Variants in PDGFD observed in about 807,000 individuals in gnomAD.
PDGFD encodes the protein platelet derived growth factor D, also known as platelet-derived growth factor D.
PDGFD carries 30 observed loss-of-function variants against 44.7 expected under a neutral mutation model. That is an observed-to-expected ratio of 0.67 (90% CI 0.50 to 0.91). The LOEUF (loss-of-function observed/expected upper bound fraction) is 0.91, where lower values mean the gene tolerates loss of function less well. Among genes scored for constraint, PDGFD ranks in the 40% least tolerant of loss-of-function variants. The pLI is 0.00. For missense variants in PDGFD, 445 were observed against 457.8 expected, an observed-to-expected ratio of 0.97 and a Z score of 0.25; for synonymous variants, 173 against 168.4, an observed-to-expected ratio of 1.03 and a Z score of -0.21.
At chr11:104,026,599 TA>T in intron 1 of PDGFD, among the ~76,000 whole-genome samples, 1 of 152,196 alleles carries the variant, frequency 6.6e-6, no homozygotes, top group African/African-American at 2.4e-5. Context: ...AATCCCATTT[TA>T]AAAAATTCCA....
intron 3 of PDGFD, among the ~76,000 whole-genome samples, chr11:103,948,022 C>T (rs1410597404): frequency 6.6e-6 from 1 of 152,182 alleles, no homozygotes; most frequent in East Asian, 1.9e-4. Flanking sequence ...GACAACCCCT[C>T]CAGTCCTTCC....
At chr11:103,943,111 C>T (rs559058643) in intron 5 of PDGFD, among the ~76,000 whole-genome samples, 12 of 152,222 alleles carry the variant, frequency 7.9e-5, no homozygotes, top group Admixed American at 3.3e-4. Context: ...TAGTAACCAC[C>T]TGATCTAAGT....
chr11:104,093,542 G>A lies in PDGFD; in HGVS notation c.124+70262C>T, dbSNP rs569855587. Among the ~76,000 whole-genome samples, 10 of 152,104 alleles carry A rather than the reference G, an allele frequency of 6.6e-5. 1 individual carries two copies. The South Asian group carries it at 2.1e-3, about 32-fold the overall frequency. On this transcript the variant is annotated intron_variant, in intron 1 of 6. Coordinates refer to ENST00000393158, the MANE Select transcript of PDGFD (RefSeq NM_025208.5). ...TCCTTTATTGGTTTGATTTATCAAA[G>A]TTCTGTGGAATAGTTCTCAAATGTG...
In PDGFD at chr11:104,019,790, A is replaced by G. The variant is rs371330669; in HGVS notation, c.125-19535T>C. Among the ~76,000 whole-genome samples the G allele has an allele frequency of 1.4e-4, 22 of 152,178 alleles. No homozygotes were observed. In the East Asian group the frequency reaches 2.3e-3, roughly 16 times the overall value. On this transcript the variant is annotated intron_variant, in intron 1 of 6. Transcript: ENST00000393158. Reference sequence around the variant, plus strand: ...CACAAACGTTATATTTTCTGTGTCTATTATAGAAGGGCTGACATAAATGAA... The same window carrying G: ...CACAAACGTTATATTTTCTGTGTCTGTTATAGAAGGGCTGACATAAATGAA...
chr11:104,018,200 A>G (rs1859890639), intron 1 of PDGFD, among the ~76,000 whole-genome samples: 2 of 151,860 alleles, frequency 1.3e-5, no homozygotes, highest in Non-Finnish European at 1.5e-5. Flanking sequence ...AAAGACTGGG[A>G]CTCATTCAGT....
chr11:103,980,097 T>G (rs1282430261), intron 3 of PDGFD, among the ~76,000 whole-genome samples: 1 of 152,150 alleles, frequency 6.6e-6, no homozygotes, highest in Admixed American at 6.6e-5. Flanking sequence ...TAATTTTGTA[T>G]TAGTTATTCA....
intron 1 of PDGFD, among the ~76,000 whole-genome samples, chr11:104,093,389 C>T (rs757972730): frequency 1.4e-4 from 22 of 152,074 alleles, no homozygotes. Flanking sequence ...ACATTTTCCC[C>T]AGCTACGTGT....
intron 1 of PDGFD, among the ~76,000 whole-genome samples, chr11:104,047,954 C>G (rs1860469950): frequency 6.6e-6 from 1 of 152,014 alleles, no homozygotes; most frequent in Non-Finnish European, 1.5e-5. Context: ...TGTAAATCTG[C>G]TATATCTTTG....
rs1448198666 is a variant in PDGFD, at chr11:103,908,602, A to T, written c.*1092T>A. ...GATGGCCTGCCAAATATAAAATGCC[A>T]TTATAAATCCATGTCTATATTTCAA... On this transcript the variant is annotated 3_prime_UTR_variant, in exon 7 of 7. Transcript: ENST00000393158. 2 of 152,238 alleles carry T rather than the reference A, an allele frequency of 1.3e-5. No individual in the cohort carries two copies. The highest frequency in any genetic ancestry group is 4.8e-5 in the African/African-American group (2 of 41,474). 9.4% of individuals were successfully genotyped at this position (152,238 alleles called of 1,614,324 possible).
chr11:103,997,377 C>A (rs923610262), intron 2 of PDGFD, among the ~76,000 whole-genome samples: 2 of 152,158 alleles, frequency 1.3e-5, no homozygotes, highest in African/African-American at 4.8e-5. Flanking sequence ...CTTACTCATG[C>A]ACCTCAGAGC....
In PDGFD at chr11:103,943,451, C is replaced by A; in HGVS notation, c.772+1G>T. On this transcript the variant is annotated splice_donor_variant, in intron 5 of 6. Transcript: ENST00000393158. LOFTEE classifies it high-confidence loss of function. ...AGAATGTACAAGTGTCTGTCTCTTA[C>A]CTTTTGACTTCCGGTCATGGTATGA... 6.2e-7 allele frequency: 1 copy of A among 1,610,490 alleles called. No individual in the cohort carries two copies. Among genetic ancestry groups the A allele is most frequent in the Non-Finnish European group, 8.5e-7 (1 of 1,178,268 alleles).
chr11:104,051,219 C>T (rs143744166), intron 1 of PDGFD, among the ~76,000 whole-genome samples: 289 of 152,238 alleles, frequency 1.9e-3, no homozygotes, highest in Middle Eastern at 6.8e-3. Context: ...ACCTAGGTTT[C>T]GCCTGCATGG....
intron 1 of PDGFD, among the ~76,000 whole-genome samples, chr11:104,138,123 T>C (rs1025635743): frequency 2.0e-5 from 3 of 152,180 alleles, no homozygotes; most frequent in Non-Finnish European, 4.4e-5. Context: ...AAACAAATGA[T>C]GTAAATCCAT....
intron 1 of PDGFD, among the ~76,000 whole-genome samples, chr11:104,114,865 C>A (rs1460253121): frequency 2.0e-5 from 3 of 151,036 alleles, no homozygotes; most frequent in Non-Finnish European, 4.4e-5. Flanking sequence ...TAATTTAAAT[C>A]ATAACATTTT....
intron 1 of PDGFD, among the ~76,000 whole-genome samples, chr11:104,089,873 G>A (rs1016430358): frequency 6.6e-6 from 1 of 152,118 alleles, no homozygotes; most frequent in African/African-American, 2.4e-5. Flanking sequence ...ACTTAAGGAA[G>A]CACAAATTGT....
At chr11:103,937,714 C>A (rs1249143065) in intron 5 of PDGFD, among the ~76,000 whole-genome samples, 19 of 115,330 alleles carry the variant, frequency 1.6e-4, no homozygotes, top group African/African-American at 6.4e-4. Flanking sequence ...TCCCCCCACC[C>A]CACAACAGTC....
intron 3 of PDGFD, among the ~76,000 whole-genome samples, chr11:103,973,277 C>G (rs1302785274): frequency 6.6e-6 from 1 of 151,202 alleles, no homozygotes; most frequent in Non-Finnish European, 1.5e-5. Context: ...TAACTGGGAC[C>G]ACAGGCGCCT....
At chr11:103,986,415 C>T (rs1448855722) in intron 3 of PDGFD, among the ~76,000 whole-genome samples, 2 of 152,188 alleles carry the variant, frequency 1.3e-5, no homozygotes, top group East Asian at 3.9e-4. Flanking sequence ...TGGGCTCCCA[C>T]CCTTTATGGG....
intron 3 of PDGFD, among the ~76,000 whole-genome samples, chr11:103,949,295 G>A (rs1406731468): frequency 1.3e-5 from 2 of 152,252 alleles, no homozygotes; most frequent in East Asian, 3.9e-4. Context: ...GAGCCACTGG[G>A]CCCGGCCTCG....
Sources: allele counts gnomAD v4.1 joint callset (sites outside exome capture counted in the v4.1 genomes callset), GRCh38; gene constraint gnomAD v4.1.1; transcripts MANE v1.5; gene names NCBI Gene and HGNC (gene_info 2026-07-23, HGNC 2026-07-21).